Variants in COL26A1 observed in about 807,000 individuals in gnomAD.
COL26A1 encodes collagen alpha-1(XXVI) chain.
Under a neutral mutation model 59.3 loss-of-function variants are expected in COL26A1, and 41 were observed. That is an observed-to-expected ratio of 0.69 (90% CI 0.54 to 0.90). The LOEUF is 0.90. COL26A1 is among the 40% of genes least tolerant of loss of function. The pLI, the probability that COL26A1 is intolerant of heterozygous loss-of-function variation, is 0.00. For missense variants in COL26A1, 612 were observed against 602.3 expected, an observed-to-expected ratio of 1.02 and a Z score of -0.17; for synonymous variants, 266 against 256.0, an observed-to-expected ratio of 1.04 and a Z score of -0.37.
At chr7:101,450,825 AAT>A (rs1793316995) in intron 3 of COL26A1, among the ~76,000 whole-genome samples, 1 of 147,368 alleles carries the variant, frequency 6.8e-6, no homozygotes, top group African/African-American at 2.5e-5. Context: ...AGTCTATATG[AAT>A]ATGAATTCCA....
At chr7:101,378,361 C>G (rs1791366955) in intron 1 of COL26A1, among the ~76,000 whole-genome samples, 1 of 152,056 alleles carries the variant, frequency 6.6e-6, no homozygotes, top group Non-Finnish European at 1.5e-5. Flanking sequence ...ATTGAATAAC[C>G]CATTCTTCCT....
intron 6 of COL26A1, among the ~76,000 whole-genome samples, chr7:101,544,623 C>T (rs1795691865): frequency 6.6e-6 from 1 of 151,666 alleles, no homozygotes. Context: ...ACCTCCACCT[C>T]CCAGGTTCAA....
chr7:101,546,941 A>G (rs1795748306), intron 7 of COL26A1, among the ~76,000 whole-genome samples: 1 of 152,168 alleles, frequency 6.6e-6, no homozygotes, highest in Admixed American at 6.5e-5. Flanking sequence ...GTTTTATATG[A>G]AGCTGACCGA....
rs372850187 is a variant in COL26A1 at position 101,385,981 on chromosome 7, G to T, written c.158+22791G>T. 4.6e-5 allele frequency among the ~76,000 whole-genome samples: 7 copies of T among 152,320 alleles called. No individual in the cohort carries two copies. The East Asian group carries it at 1.3e-3, about 29-fold the overall frequency. On this transcript the variant is annotated intron_variant, in intron 1 of 12. Transcript: ENST00000313669. The stretch of plus-strand genomic sequence containing the variant: ...CTGCCTCGGCCTCCCAAAGTGTTGG[G>T]ATTACAGGCGTGAGCCACCGCGCCC...
chr7:101,504,883 C>T (rs1202925507), intron 3 of COL26A1, among the ~76,000 whole-genome samples: 1 of 151,834 alleles, frequency 6.6e-6, no homozygotes, highest in African/African-American at 2.4e-5. Flanking sequence ...GGGCTGGGCA[C>T]GGTGGCTCAC....
Position 101,544,130 on chromosome 7 carries a change from A to G in COL26A1, c.703+34A>G, listed in dbSNP as rs368177660. On this transcript the variant is annotated intron_variant, in intron 6 of 12. Coordinates refer to ENST00000313669, the MANE Select transcript of COL26A1 (RefSeq NM_001278563.3). ...ACCCCCCACATATGTGATGTTGTCA[A>G]CCTGCGGAAGGGGCTGGGCTTTCTT... 5.5e-5 allele frequency: 83 copies of G among 1,515,110 alleles called. No individual in the cohort carries two copies. In the African/African-American group the frequency reaches 1.0e-3, roughly 19 times the overall value. The allele number at this position is 1,515,110 out of a possible 1,614,324, so 93.9% of individuals were successfully genotyped here.
At chr7:101,373,920 T>C (rs1414997573) in intron 1 of COL26A1, among the ~76,000 whole-genome samples, 2 of 152,172 alleles carry the variant, frequency 1.3e-5, no homozygotes, top group Non-Finnish European at 2.9e-5. Context: ...AGAGCACTCC[T>C]CCAGGCTTCT....
At chr7:101,463,800 T>G (rs1793681847) in intron 3 of COL26A1, among the ~76,000 whole-genome samples, 1 of 128,106 alleles carries the variant, frequency 7.8e-6, no homozygotes, top group African/African-American at 2.9e-5. Context: ...TTTCTTTCTC[T>G]CTCTCTTTCT....
chr7:101,496,909 G>A (rs553600789), intron 3 of COL26A1, among the ~76,000 whole-genome samples: 2 of 151,612 alleles, frequency 1.3e-5, no homozygotes, highest in Non-Finnish European at 2.9e-5. Flanking sequence ...AATTCAGGGT[G>A]AGTCTGTAAA....
Position 101,534,128 on chromosome 7 carries a change from C to A in COL26A1, c.447+985C>A, listed in dbSNP as rs114513603. Among the ~76,000 whole-genome samples the A allele has an allele frequency of 8.6e-3, 1,304 of 152,296 alleles. 20 individuals are homozygous for A. The highest frequency in any genetic ancestry group is 0.03 in the African/African-American group (1,261 of 41,558). On this transcript the variant is annotated intron_variant, in intron 4 of 12. Coordinates refer to ENST00000313669, the MANE Select transcript of COL26A1 (RefSeq NM_001278563.3). ...CAAATATCTACAAAGCCTCTTGGGACAGCAGGGTTGGCTGCACTGCCTGGC... is the reference window on the plus strand; with the variant it reads ...CAAATATCTACAAAGCCTCTTGGGAAAGCAGGGTTGGCTGCACTGCCTGGC...
intron 1 of COL26A1, among the ~76,000 whole-genome samples, chr7:101,398,471 C>A (rs1213331157): frequency 6.6e-6 from 1 of 152,164 alleles, no homozygotes; most frequent in Non-Finnish European, 1.5e-5. Context: ...GGCTTATGGA[C>A]ATGTCCGCTT....
At chr7:101,427,660 TAA>T (rs35360228) in intron 2 of COL26A1, among the ~76,000 whole-genome samples, 1 of 147,216 alleles carries the variant, frequency 6.8e-6, no homozygotes, top group African/African-American at 2.5e-5. Context: ...AACTGTTTCT[TAA>T]AAAAAAAAAA....
chr7:101,435,605 G>A (rs1227136861), intron 2 of COL26A1, among the ~76,000 whole-genome samples: 4 of 152,108 alleles, frequency 2.6e-5, no homozygotes, highest in East Asian at 1.9e-4. Flanking sequence ...TGGGCGTCAC[G>A]GACATTGGGT....
At chr7:101,395,657 G>A (rs1256837323) in intron 1 of COL26A1, among the ~76,000 whole-genome samples, 3 of 152,174 alleles carry the variant, frequency 2.0e-5, no homozygotes, top group African/African-American at 7.2e-5. Context: ...ATTCTTTTGC[G>A]GTGATTTTGT....
At chr7:101,453,170 C>A (rs1246135410) in intron 3 of COL26A1, among the ~76,000 whole-genome samples, 1 of 152,156 alleles carries the variant, frequency 6.6e-6, no homozygotes, top group Non-Finnish European at 1.5e-5. Context: ...AGTTCGAGAC[C>A]AGCTTGGCCA....
At chr7:101,375,041 C>CA (rs1791279729) in intron 1 of COL26A1, among the ~76,000 whole-genome samples, 1 of 149,774 alleles carries the variant, frequency 6.7e-6, no homozygotes, top group African/African-American at 2.5e-5. Flanking sequence ...GCCTGGGTGA[C>CA]AGAGTAAGAC....
intron 1 of COL26A1, among the ~76,000 whole-genome samples, chr7:101,395,723 TGA>T (rs1400710922): frequency 1.3e-5 from 2 of 152,078 alleles, no homozygotes; most frequent in African/African-American, 4.8e-5. Flanking sequence ...AGCAGCCAGA[TGA>T]GAGGGGAAAA....
intron 3 of COL26A1, among the ~76,000 whole-genome samples, chr7:101,502,358 A>C (rs1042488325): frequency 6.6e-6 from 1 of 151,156 alleles, no homozygotes; most frequent in Non-Finnish European, 1.5e-5. Context: ...CAACAACAAC[A>C]AACAACAACA....
chr7:101,518,940 G>A (rs184225683), intron 3 of COL26A1, among the ~76,000 whole-genome samples: 2 of 152,308 alleles, frequency 1.3e-5, no homozygotes, highest in Non-Finnish European at 2.9e-5. Flanking sequence ...GGGCCAAGAA[G>A]TACTTGATCC....
Sources: gnomAD v4.1 joint callset for allele counts (sites outside exome capture counted in the v4.1 genomes callset) on GRCh38, gnomAD v4.1.1 for gene constraint, MANE v1.5 for transcripts, NCBI Gene and HGNC (gene_info 2026-07-23, HGNC 2026-07-21) for gene names.